Variants in SLC24A2 observed in about 807,000 individuals in gnomAD.
SLC24A2 encodes the protein sodium/potassium/calcium exchanger 2.
Under a neutral mutation model 62.0 loss-of-function variants are expected in SLC24A2, and 36 were observed. That is an observed-to-expected ratio of 0.58 (90% CI 0.44 to 0.77). The LOEUF (loss-of-function observed/expected upper bound fraction) is 0.77, where lower values mean the gene tolerates loss of function less well. SLC24A2 is among the 30% of genes least tolerant of loss of function. The pLI, the probability that SLC24A2 is intolerant of heterozygous loss-of-function variation, is 0.00. For missense variants in SLC24A2, 846 were observed against 817.9 expected (o/e 1.03, Z -0.42); for synonymous variants, 358 against 294.0 (o/e 1.22, Z -2.23).
At chr9:19,733,326 C>G (rs992688583) in intron 2 of SLC24A2, among the ~76,000 whole-genome samples, 1 of 152,142 alleles carries the variant, frequency 6.6e-6, no homozygotes, top group Non-Finnish European at 1.5e-5. Flanking sequence ...GTATCAGAAT[C>G]AAAGCTCTTG....
chr9:20,074,647 G>C, the SLC24A2 span, among the ~76,000 whole-genome samples: 2 of 135,588 alleles, frequency 1.5e-5, no homozygotes, highest in African/African-American at 2.8e-5. Context: ...CGGGAAGGGG[G>C]TGAGGGGGAG....
the SLC24A2 span, among the ~76,000 whole-genome samples, chr9:19,842,215 T>A: frequency 0.69 from 105,679 of 152,128 alleles, 41,092 homozygotes; most frequent in Non-Finnish European, 0.88. Flanking sequence ...GAATGCCCTA[T>A]CCATCATCAT....
At chr9:20,175,691 A>G in the SLC24A2 span, among the ~76,000 whole-genome samples, 1 of 152,068 alleles carries the variant, frequency 6.6e-6, no homozygotes, top group Non-Finnish European at 1.5e-5. Context: ...AAACCTTAGT[A>G]TTTTAGGAGA....
chr9:19,509,138 A>G lies in SLC24A2; in HGVS notation c.*7015T>C, dbSNP rs1832615790. On this transcript the variant is annotated 3_prime_UTR_variant, in exon 11 of 11. Coordinates refer to ENST00000341998, the MANE Select transcript of SLC24A2 (RefSeq NM_020344.4). ...TATATGTTTGCTAATTATCTATTTC[A>G]TTTTCCATATGGGTGAACTTTGCTT... 6.6e-6 allele frequency: 1 copy of G among 152,104 alleles called. No individual in the cohort carries two copies. Among genetic ancestry groups the G allele is most frequent in the African/African-American group, 2.4e-5 (1 of 41,416 alleles). The allele number at this position is 152,104 out of a possible 1,614,324, so 9.4% of individuals were successfully genotyped here.
chr9:20,241,373 C>T, the SLC24A2 span, among the ~76,000 whole-genome samples: 1 of 152,188 alleles, frequency 6.6e-6, no homozygotes, highest in Non-Finnish European at 1.5e-5. Flanking sequence ...ACTAGGGAAG[C>T]ATGTAGCATA....
chr9:20,010,377 A>AAT, the SLC24A2 span, among the ~76,000 whole-genome samples: 17 of 152,196 alleles, frequency 1.1e-4, no homozygotes, highest in African/African-American at 2.4e-5. Flanking sequence ...AAAAGAAACT[A>AAT]ATAAAGCTCT....
chr9:20,013,818 G>A, the SLC24A2 span, among the ~76,000 whole-genome samples: 1 of 152,158 alleles, frequency 6.6e-6, no homozygotes, highest in Non-Finnish European at 1.5e-5. Flanking sequence ...CCAATAGGTA[G>A]ATGAAAAAAT....
chr9:19,667,825 T>C (rs1157229751), intron 2 of SLC24A2, among the ~76,000 whole-genome samples: 2 of 152,126 alleles, frequency 1.3e-5, no homozygotes, highest in Non-Finnish European at 2.9e-5. Context: ...GTGCTGCTCC[T>C]CTCTGCCTGG....
chr9:19,678,455 A>C lies in SLC24A2; in HGVS notation c.931-56156T>G, dbSNP rs182684093. On this transcript the variant is annotated intron_variant, in intron 2 of 10. Coordinates refer to ENST00000341998, the MANE Select transcript of SLC24A2 (RefSeq NM_020344.4). ...CCCATGAAATGATTAAAACAACCAA[A>C]TAAAGCACTAGCCTTTTGATTTCTC... 7.0e-4 allele frequency among the ~76,000 whole-genome samples: 106 copies of C among 152,330 alleles called. 1 individual carries two copies. The highest frequency in any genetic ancestry group is 2.5e-3 in the African/African-American group (105 of 41,578).
the SLC24A2 span, among the ~76,000 whole-genome samples, chr9:20,099,725 C>G: frequency 6.6e-6 from 1 of 152,206 alleles, no homozygotes; most frequent in Non-Finnish European, 1.5e-5. Flanking sequence ...AGTAGACTAA[C>G]AAGACTTAAC....
At chr9:20,033,850 G>A in the SLC24A2 span, among the ~76,000 whole-genome samples, 8 of 152,144 alleles carry the variant, frequency 5.3e-5, no homozygotes, top group Non-Finnish European at 1.2e-4. Context: ...TAGCCTACCA[G>A]CAGCCCTTAG....
chr9:20,204,045 TA>T, the SLC24A2 span, among the ~76,000 whole-genome samples: 1 of 152,202 alleles, frequency 6.6e-6, no homozygotes, highest in African/African-American at 2.4e-5. Context: ...CAAAATATAT[TA>T]AAAACACATT....
rs987326846 is a variant in SLC24A2, at chr9:19,580,406, C to T, written c.1130-3384G>A. 3.9e-5 allele frequency among the ~76,000 whole-genome samples: 6 copies of T among 152,240 alleles called. No individual in the cohort carries two copies. The South Asian group carries it at 6.2e-4, about 16-fold the overall frequency. ...GGGGCAGAGCCTGACAAACCAGATT[C>T]GCTGATTCCAGCCCACTGGATACGC... On this transcript the variant is annotated intron_variant, in intron 5 of 10. Coordinates refer to ENST00000341998, the MANE Select transcript of SLC24A2 (RefSeq NM_020344.4).
At chr9:20,041,150 A>ACGCGTGCGCGCGTGCG in the SLC24A2 span, among the ~76,000 whole-genome samples, 1 of 152,058 alleles carries the variant, frequency 6.6e-6, no homozygotes, top group Non-Finnish European at 1.5e-5. Flanking sequence ...GCGTGTGTGT[A>ACGCGTGCGCGCGTGCG]CGCGTGCGCG....
At chr9:20,045,275 AAAG>A in the SLC24A2 span, among the ~76,000 whole-genome samples, 1 of 152,168 alleles carries the variant, frequency 6.6e-6, no homozygotes, top group African/African-American at 2.4e-5. Context: ...CAGAATTGCA[AAAG>A]AAGCACAGAT....
intron 2 of SLC24A2, among the ~76,000 whole-genome samples, chr9:19,636,322 T>TCCTTTCCTTTCC (rs1554690373): frequency 1.3e-4 from 4 of 30,562 alleles, no homozygotes; most frequent in African/African-American, 4.9e-4. Flanking sequence ...TTCTTTTCTT[T>TCCTTTCCTTTCC]CTTTCTTTCT....
At chr9:19,740,587 G>A (rs1416883544) in intron 2 of SLC24A2, among the ~76,000 whole-genome samples, 2 of 152,162 alleles carry the variant, frequency 1.3e-5, no homozygotes, top group Admixed American at 6.5e-5. Context: ...AGGGGGCTCT[G>A]GGTGTCTGTA....
At chr9:19,585,133 T>C (rs532651262) in intron 5 of SLC24A2, among the ~76,000 whole-genome samples, 1 of 152,318 alleles carries the variant, frequency 6.6e-6, no homozygotes, top group South Asian at 2.1e-4. Context: ...TCCCCACTTA[T>C]GTCTGCTTAG....
the SLC24A2 span, among the ~76,000 whole-genome samples, chr9:19,987,673 T>G: frequency 6.6e-6 from 1 of 152,244 alleles, no homozygotes; most frequent in South Asian, 2.1e-4. Flanking sequence ...ACAGGTATAT[T>G]GGTATCTTAA....
Sources: allele counts gnomAD v4.1 joint callset (sites outside exome capture counted in the v4.1 genomes callset), GRCh38; gene constraint gnomAD v4.1.1; transcripts MANE v1.5; gene names NCBI Gene and HGNC (gene_info 2026-07-23, HGNC 2026-07-21).